Variants in MACROD2 observed in about 807,000 individuals in gnomAD.
MACROD2 encodes mono-ADP ribosylhydrolase 2, also known as ADP-ribose glycohydrolase MACROD2.
Under a neutral mutation model 70.4 loss-of-function variants are expected in MACROD2, and 36 were observed. The ratio of observed to expected loss-of-function variants is 0.51; its 90% CI spans 0.39 to 0.68. The LOEUF is 0.68. Among genes scored for constraint, MACROD2 ranks in the 30% least tolerant of loss-of-function variants. The pLI is 0.00. For missense variants in MACROD2, 496 were observed against 538.4 expected (o/e 0.92, Z 0.78); for synonymous variants, 172 against 178.8 (o/e 0.96, Z 0.30).
chr20:15,690,509 G>T (rs2050286214), intron 8 of MACROD2, among the ~76,000 whole-genome samples: 2 of 152,170 alleles, frequency 1.3e-5, no homozygotes. Flanking sequence ...GCACCATAAG[G>T]ATCTGAATGT....
rs2065261112 is a variant in MACROD2, at chr20:15,913,160, C to CTAG, written c.776-20114_776-20113insGTA. On this transcript the variant is annotated intron_variant, in intron 10 of 17. Coordinates refer to ENST00000684519, the MANE Select transcript of MACROD2 (RefSeq NM_001351661.2). The stretch of plus-strand genomic sequence containing the variant: ...CATTCAAAAATGGTAGCTATTATCA[C>CTAG]TATTATTATTATTATTTCTTCTGGA... Among the ~76,000 whole-genome samples, 4 of 151,844 alleles carry CTAG rather than the reference C, an allele frequency of 2.6e-5. No homozygotes were observed. In the South Asian group the frequency reaches 8.3e-4, roughly 32 times the overall value.
intron 1 of MACROD2, among the ~76,000 whole-genome samples, chr20:13,998,570 A>C (rs2052692489): frequency 6.6e-6 from 1 of 152,032 alleles, no homozygotes. Flanking sequence ...TTCTGCCTTT[A>C]TGTGATAATT....
chr20:15,725,234 T>C lies in MACROD2; in HGVS notation c.646-137511T>C, dbSNP rs551064576. Among the ~76,000 whole-genome samples, 5 of 152,316 alleles carry C rather than the reference T, an allele frequency of 3.3e-5. No individual in the cohort carries two copies. In the South Asian group the frequency reaches 1.0e-3, roughly 32 times the overall value. ...TTTTTCTGTCAAATAATATGAAATA[T>C]CTCTTTAGTTCTTTTTAAATTTTTT... On this transcript the variant is annotated intron_variant, in intron 8 of 17. Coordinates refer to ENST00000684519, the MANE Select transcript of MACROD2 (RefSeq NM_001351661.2).
chr20:14,885,868 CCCTT>C (rs1465308096), intron 5 of MACROD2, among the ~76,000 whole-genome samples: 1 of 152,186 alleles, frequency 6.6e-6, no homozygotes, highest in East Asian at 1.9e-4. Context: ...AATTTTATGA[CCCTT>C]CATTCATTTA....
chr20:15,455,007 T>C (rs1218912675), intron 7 of MACROD2, among the ~76,000 whole-genome samples: 1 of 152,108 alleles, frequency 6.6e-6, no homozygotes, highest in Non-Finnish European at 1.5e-5. Flanking sequence ...TTTACTCTCA[T>C]TGATGAGGAA....
rs186135708 is a variant in MACROD2 at position 14,749,775 on chromosome 20, G to A, written c.418+64816G>A. Among the ~76,000 whole-genome samples the A allele has an allele frequency of 1.4e-4, 22 of 152,106 alleles. 1 individual carries two copies. The highest frequency in any genetic ancestry group is 1.2e-3 in the Admixed American group (18 of 15,272). On this transcript the variant is annotated intron_variant, in intron 5 of 17. Transcript: ENST00000684519. The stretch of plus-strand genomic sequence containing the variant: ...CATAAATAGATTTTAAGCATTATTT[G>A]TGATGAGGCATAAACATGAATCTTC...
At chr20:15,333,113 G>A (rs1467818937) in intron 6 of MACROD2, among the ~76,000 whole-genome samples, 1 of 151,570 alleles carries the variant, frequency 6.6e-6, no homozygotes, top group Non-Finnish European at 1.5e-5. Flanking sequence ...TTTACCTAGA[G>A]CAATGGTTCC....
intron 2 of MACROD2, among the ~76,000 whole-genome samples, chr20:14,011,832 C>G (rs1405144847): frequency 1.3e-5 from 2 of 151,934 alleles, no homozygotes; most frequent in African/African-American, 2.4e-5. Context: ...CCTGGCCTCC[C>G]CTATGATTTT....
intron 3 of MACROD2, among the ~76,000 whole-genome samples, chr20:14,436,768 A>G (rs73901254): frequency 0.017 from 2,519 of 152,290 alleles, 66 homozygotes; most frequent in African/African-American, 0.056. Flanking sequence ...TTCTTTGCCA[A>G]TTTAACTCAG....
At chr20:15,736,373 A>G (rs779688016) in intron 8 of MACROD2, among the ~76,000 whole-genome samples, 2 of 152,152 alleles carry the variant, frequency 1.3e-5, no homozygotes, top group Non-Finnish European at 1.5e-5. Flanking sequence ...CTTGGAGTTG[A>G]GGTTGCCAGG....
intron 12 of MACROD2, among the ~76,000 whole-genome samples, chr20:15,938,538 A>G (rs575228539): frequency 9.2e-5 from 14 of 152,174 alleles, no homozygotes; most frequent in Admixed American, 9.2e-4. Context: ...AAGATAGTGG[A>G]CTTATTTAGT....
intron 3 of MACROD2, among the ~76,000 whole-genome samples, chr20:14,129,364 TA>T (rs756494963): frequency 4.6e-5 from 7 of 152,246 alleles, no homozygotes; most frequent in Non-Finnish European, 8.8e-5. Flanking sequence ...AGTGAAATTC[TA>T]AAGATGAACT....
intron 8 of MACROD2, among the ~76,000 whole-genome samples, chr20:15,715,435 C>T (rs921602881): frequency 1.3e-4 from 20 of 152,150 alleles, no homozygotes; most frequent in Admixed American, 8.5e-4. Flanking sequence ...GAAAAATCAA[C>T]AAAAACTTAT....
chr20:14,094,093 T>TG (rs2054190303), intron 3 of MACROD2, among the ~76,000 whole-genome samples: 1 of 151,946 alleles, frequency 6.6e-6, no homozygotes, highest in Non-Finnish European at 1.5e-5. Flanking sequence ...AAGGATAAAT[T>TG]GGGGAAGGAT....
intron 8 of MACROD2, among the ~76,000 whole-genome samples, chr20:15,585,161 C>T (rs2146655051): frequency 6.6e-6 from 1 of 151,922 alleles, no homozygotes; most frequent in South Asian, 2.1e-4. Context: ...CCAGCCACCA[C>T]TATCTGTGCT....
At chr20:15,372,909 A>T (rs952771790) in intron 6 of MACROD2, among the ~76,000 whole-genome samples, 1 of 152,056 alleles carries the variant, frequency 6.6e-6, no homozygotes, top group South Asian at 2.1e-4. Context: ...AAAATTAGCC[A>T]TATGTGGTGA....
At chr20:15,669,671 G>A (rs1244984417) in intron 8 of MACROD2, among the ~76,000 whole-genome samples, 1 of 152,186 alleles carries the variant, frequency 6.6e-6, no homozygotes, top group Non-Finnish European at 1.5e-5. Flanking sequence ...GGTATCATTA[G>A]GGAATTTGCC....
intron 6 of MACROD2, among the ~76,000 whole-genome samples, chr20:15,290,453 T>C (rs1308951066): frequency 6.6e-6 from 1 of 152,202 alleles, no homozygotes; most frequent in Non-Finnish European, 1.5e-5. Context: ...GACAGTGGTT[T>C]TGTTTAAAGC....
intron 8 of MACROD2, among the ~76,000 whole-genome samples, chr20:15,533,355 G>A (rs2047829283): frequency 6.6e-6 from 1 of 152,112 alleles, no homozygotes; most frequent in African/African-American, 2.4e-5. Flanking sequence ...ATAATTTTAG[G>A]CATTAGGACA....
Sources: gnomAD v4.1 joint callset for allele counts (sites outside exome capture counted in the v4.1 genomes callset) on GRCh38, gnomAD v4.1.1 for gene constraint, MANE v1.5 for transcripts, NCBI Gene and HGNC (gene_info 2026-07-23, HGNC 2026-07-21) for gene names.